Variants in MAP3K2 observed in about 807,000 individuals in gnomAD.
MAP3K2 encodes mitogen-activated protein kinase kinase kinase 2.
MAP3K2 carries 24 observed loss-of-function variants against 80.3 expected under a neutral mutation model. That is an observed-to-expected ratio of 0.30 (90% CI 0.22 to 0.42). The LOEUF (loss-of-function observed/expected upper bound fraction) is 0.42, where lower values mean the gene tolerates loss of function less well. MAP3K2 is among the 10% of genes least tolerant of loss of function. MAP3K2 has a pLI of 1.00. For missense variants in MAP3K2, 608 were observed against 750.1 expected (o/e 0.81, Z 2.21); for synonymous variants, 244 against 253.7 (o/e 0.96, Z 0.36).
At chr2:127,326,522 T>G (rs1166072505) in intron 8 of MAP3K2, among the ~76,000 whole-genome samples, 165 bp downstream of exon 8, 1 of 152,190 alleles carries the variant, frequency 6.6e-6, no homozygotes, top group Admixed American at 6.5e-5. Context: ...TACAGGCACA[T>G]GTAAATTAAT....
chr2:127,319,673 A>AAAAAAAAAAAAAAAAAAG (rs1558975361), intron 12 of MAP3K2, among the ~76,000 whole-genome samples: 1 of 142,496 alleles, frequency 7.0e-6, no homozygotes, highest in African/African-American at 2.7e-5. Flanking sequence ...AAAAAAAAAA[A>AAAAAAAAAAAAAAAAAAG]AAAAAGAAAA....
At chr2:127,363,298 T>C (rs141009090) in intron 1 of MAP3K2, among the ~76,000 whole-genome samples, 67 of 152,248 alleles carry the variant, frequency 4.4e-4, no homozygotes, top group African/African-American at 1.5e-3. Flanking sequence ...GCCAATATGC[T>C]CTCCTCACCA....
At chr2:127,308,912 T>C in intron 15 of MAP3K2, 150 bp from the exon 16 acceptor site, 1 of 768,538 alleles carries the variant, frequency 1.3e-6, no homozygotes, top group Non-Finnish European at 2.1e-6. Flanking sequence ...GCTGGCATAA[T>C]GCTAGTCACA....
intron 7 of MAP3K2, among the ~76,000 whole-genome samples, chr2:127,327,190 A>G (rs947615240): frequency 6.6e-6 from 1 of 152,212 alleles, no homozygotes; most frequent in Non-Finnish European, 1.5e-5. Flanking sequence ...AAATGATGCT[A>G]TATTTATTAG....
At chr2:127,356,036 T>C (rs1183153238) in intron 1 of MAP3K2, among the ~76,000 whole-genome samples, 1 of 152,282 alleles carries the variant, frequency 6.6e-6, no homozygotes, top group African/African-American at 2.4e-5. Flanking sequence ...ATTGCAGCAA[T>C]TCAGTCACAT....
Position 127,387,918 on chromosome 2 carries a change from G to C in MAP3K2, c.-532C>G. On this transcript the variant is annotated 5_prime_UTR_variant, in exon 1 of 17. Coordinates refer to ENST00000682094, the MANE Select transcript of MAP3K2 (RefSeq NM_001371910.2). ...TGCGCCCAGCGGCCGCGGCACCCTCGTCAGGCGCCGCCGCTGAGGGCAGGC... is the reference window on the plus strand; with the variant it reads ...TGCGCCCAGCGGCCGCGGCACCCTCCTCAGGCGCCGCCGCTGAGGGCAGGC... 4.1e-6 allele frequency: 4 copies of C among 982,124 alleles called. No homozygotes were observed. The highest frequency in any genetic ancestry group is 4.8e-6 in the Non-Finnish European group (4 of 827,274). The allele number at this position is 982,124 out of a possible 1,614,324, so 60.8% of individuals were successfully genotyped here. A position where few individuals can be genotyped will look rare whatever the true frequency, so the allele number is the denominator to read the frequency against.
At chr2:127,378,985 T>TG (rs1558992142) in intron 1 of MAP3K2, among the ~76,000 whole-genome samples, 5 of 142,578 alleles carry the variant, frequency 3.5e-5, no homozygotes, top group South Asian at 2.3e-4. Flanking sequence ...TTTGTTGTTT[T>TG]TTTTTTTTTT....
Position 127,325,781 on chromosome 2 carries a change from G to A in MAP3K2, c.624C>T (p.Ser208=). 1 of 1,613,112 alleles carries A rather than the reference G, an allele frequency of 6.2e-7. No individual in the cohort carries two copies. The highest frequency in any genetic ancestry group is 8.5e-7 in the Non-Finnish European group (1 of 1,179,364). The change falls in exon 9 of 17, where the codon AGC becomes AGT. Residue 208 remains serine, a synonymous_variant. Transcript: ENST00000682094. ...DQMLDPLSLS[S]PENSGSGSCP... is the part of the protein sequence containing the mutation. ...AACTTCCTGAGCCAGAATTTTCAGG[G>A]CTGCTTAAAGATAATGGATCCAGCA...
rs114891504 is a variant in MAP3K2 at position 127,351,343 on chromosome 2, G to A, written c.-65-8149C>T. 3.8e-3 allele frequency among the ~76,000 whole-genome samples: 575 copies of A among 151,992 alleles called. 3 individuals carry two copies. Among genetic ancestry groups the A allele is most frequent in the African/African-American group, 0.013 (544 of 41,414 alleles). On this transcript the variant is annotated intron_variant, in intron 1 of 16. Coordinates refer to ENST00000682094, the MANE Select transcript of MAP3K2 (RefSeq NM_001371910.2). The stretch of plus-strand genomic sequence containing the variant: ...CAAACTAAAATATTGTGGGGTGATG[G>A]GACCTCATGTTAGCAAGTTACTCTC...
intron 5 of MAP3K2, among the ~76,000 whole-genome samples, chr2:127,331,075 A>G (rs1384627689): frequency 6.6e-6 from 1 of 152,170 alleles, no homozygotes; most frequent in Non-Finnish European, 1.5e-5. Context: ...CCTGACCACT[A>G]TACCCTAAAA....
chr2:127,371,807 C>T (rs11890479), intron 1 of MAP3K2, among the ~76,000 whole-genome samples: 45 of 152,262 alleles, frequency 3.0e-4, no homozygotes, highest in African/African-American at 1.1e-3. Flanking sequence ...AAAAGAACCC[C>T]CTTCTATATG....
intron 12 of MAP3K2, among the ~76,000 whole-genome samples, chr2:127,320,786 G>A: frequency 6.6e-6 from 1 of 152,112 alleles, no homozygotes; most frequent in East Asian, 1.9e-4. Context: ...TTCTCTTCAG[G>A]AAGTATATAA....
In MAP3K2 at chr2:127,318,037, A is replaced by G. The variant is rs13385316; in HGVS notation, c.1194+132T>C. On this transcript the variant is annotated intron_variant, in intron 13 of 16. Coordinates refer to ENST00000682094, the MANE Select transcript of MAP3K2 (RefSeq NM_001371910.2). ...ATCTGTTTTACAAATAATTTATACTAAAGAAAACTGCTTTTTTTTTTTTTT... is the reference window on the plus strand; with the variant it reads ...ATCTGTTTTACAAATAATTTATACTGAAGAAAACTGCTTTTTTTTTTTTTT... 4.2e-3 allele frequency: 3,455 copies of G among 819,734 alleles called. 88 individuals are homozygous for G. In the African/African-American group the frequency reaches 0.057, roughly 14 times the overall value. 50.8% of individuals were successfully genotyped at this position (819,734 alleles called of 1,614,324 possible). A position where few individuals can be genotyped will look rare whatever the true frequency, so the allele number is the denominator to read the frequency against.
At chr2:127,381,629 C>G (rs1021884173) in intron 1 of MAP3K2, among the ~76,000 whole-genome samples, 1 of 152,184 alleles carries the variant, frequency 6.6e-6, no homozygotes, top group Non-Finnish European at 1.5e-5. Flanking sequence ...CACTGGAGAA[C>G]AGGCTAGCAT....
At chr2:127,355,510 A>G (rs1214288111) in intron 1 of MAP3K2, among the ~76,000 whole-genome samples, 3 of 152,192 alleles carry the variant, frequency 2.0e-5, no homozygotes, top group Non-Finnish European at 4.4e-5. Context: ...TTATGTCTAA[A>G]AAACAATGTA....
chr2:127,370,968 C>A (rs1479454473), intron 1 of MAP3K2, among the ~76,000 whole-genome samples: 5 of 152,186 alleles, frequency 3.3e-5, no homozygotes, highest in Non-Finnish European at 7.4e-5. Flanking sequence ...CTGGGGGACC[C>A]TGTCTTAAGC....
rs542981331 is a variant in MAP3K2, at chr2:127,320,427, G to C, written c.1045+1619C>G. 7.2e-5 allele frequency among the ~76,000 whole-genome samples: 11 copies of C among 152,228 alleles called. No individual in the cohort carries two copies. The South Asian group carries it at 2.3e-3, about 32-fold the overall frequency. On this transcript the variant is annotated intron_variant, in intron 12 of 16. Coordinates refer to ENST00000682094, the MANE Select transcript of MAP3K2 (RefSeq NM_001371910.2). ...GAACCTGAAAATAGATCAATGGTGG[G>C]GGAGAGAGGGAGACAGGGAGAAAGG...
At chr2:127,313,841 GTTTA>G (rs1685852632) in intron 15 of MAP3K2, among the ~76,000 whole-genome samples, 1 of 152,084 alleles carries the variant, frequency 6.6e-6, no homozygotes, top group African/African-American at 2.4e-5. Flanking sequence ...GCACATGACT[GTTTA>G]TTTATTAACA....
intron 5 of MAP3K2, among the ~76,000 whole-genome samples, chr2:127,335,526 C>CT (rs2104839196): frequency 6.6e-6 from 1 of 152,320 alleles, no homozygotes; most frequent in South Asian, 2.1e-4. Flanking sequence ...TACCAAAGCT[C>CT]TGTCATCTGT....
Sources: allele counts gnomAD v4.1 joint callset (sites outside exome capture counted in the v4.1 genomes callset), GRCh38; gene constraint gnomAD v4.1.1; transcripts MANE v1.5; gene names NCBI Gene and HGNC (gene_info 2026-07-23, HGNC 2026-07-21).